The following GABPB2 variants were observed in gnomAD, a reference collection of about 807,000 sequenced individuals.
The protein encoded by GABPB2 is GA-binding protein subunit beta-2.
In GABPB2, 23 loss-of-function variants were observed where a neutral mutation model predicts 39.1. The observed-to-expected ratio is 0.59, with a 90% confidence interval of 0.42 to 0.83. GABPB2 has a LOEUF of 0.83. Among genes scored for constraint, GABPB2 ranks in the 40% least tolerant of loss-of-function variants. The probability of loss-of-function intolerance (pLI) is 0.00; values close to 1 mark genes in which losing one functional copy is unlikely to be tolerated. For synonymous variants in GABPB2, 184 were observed against 199.3 expected (o/e 0.92, Z 0.65); for missense variants, 467 against 541.1 (o/e 0.86, Z 1.36).
In GABPB2 at chr1:151,107,144, CTG is replaced by C; in HGVS notation, c.845_846del (p.Leu282ArgfsTer2). On this transcript the variant is annotated frameshift_variant, in exon 7 of 9. Coordinates refer to ENST00000368918, the MANE Select transcript of GABPB2 (RefSeq NM_144618.3). LOFTEE classifies it high-confidence loss of function. The part of the protein sequence containing the change: ...VITIVTDGVP[L>X]GNIQTSIPTG... ...CACCATAGTGACTGATGGAGTCCCT[CTG>C]GGTAATATCCAAACTTCAATCCCTA... 1 of 1,613,276 alleles carries C rather than the reference CTG, an allele frequency of 6.2e-7. No individual in the cohort carries two copies.
rs587599594 is a variant in GABPB2 at position 151,121,078 on chromosome 1, C to T, written c.*2822C>T. 2 of 152,250 alleles carry T rather than the reference C, an allele frequency of 1.3e-5. No homozygotes were observed. The highest frequency in any genetic ancestry group is 3.9e-4 in the East Asian group (2 of 5,180). The allele number at this position is 152,250 out of a possible 1,614,324, so 9.4% of individuals were successfully genotyped here. On this transcript the variant is annotated 3_prime_UTR_variant, in exon 9 of 9. Coordinates refer to ENST00000368918, the MANE Select transcript of GABPB2 (RefSeq NM_144618.3). ...CAGCCTAGACTCTAATTTTATAAAA[C>T]TTTGTTGAATTTTCTAAGTGTCATT...
At chr1:151,078,314 CTG>C (rs1041700209) in intron 1 of GABPB2, among the ~76,000 whole-genome samples, 2 of 151,036 alleles carry the variant, frequency 1.3e-5, no homozygotes, top group African/African-American at 4.9e-5. Context: ...TCATTTTACA[CTG>C]GGCGCGGTGG....
intron 1 of GABPB2, 102 bp downstream of exon 1, chr1:151,071,036 C>T (rs1174983119): frequency 6.6e-6 from 1 of 152,230 alleles, no homozygotes; most frequent in Non-Finnish European, 1.5e-5. Flanking sequence ...CCTCGGACTT[C>T]TGGGTGCAGA....
At chr1:151,099,084 CAA>C (rs200277830) in intron 5 of GABPB2, among the ~76,000 whole-genome samples, 3,534 of 110,594 alleles carry the variant, frequency 0.032, 60 homozygotes, top group Non-Finnish European at 0.047. Context: ...AACTTCATCT[CAA>C]AAAAAAAAAA....
intron 7 of GABPB2, among the ~76,000 whole-genome samples, chr1:151,108,050 G>A (rs1680109610): frequency 6.6e-6 from 1 of 152,200 alleles, no homozygotes. Flanking sequence ...TAAAGGTATA[G>A]GGAAACAAGC....
At chr1:151,087,913 A>T (rs372541371) in intron 1 of GABPB2, among the ~76,000 whole-genome samples, 5 of 152,260 alleles carry the variant, frequency 3.3e-5, no homozygotes, top group African/African-American at 1.2e-4. Context: ...TGTTTTATCG[A>T]TTCCTTAAAC....
intron 2 of GABPB2, among the ~76,000 whole-genome samples, chr1:151,088,947 C>T (rs149614453): frequency 0.011 from 1,732 of 151,486 alleles, 21 homozygotes; most frequent in Non-Finnish European, 0.02. Context: ...TTGCAGTGAG[C>T]GGAGATTGCA....
intron 4 of GABPB2, among the ~76,000 whole-genome samples, chr1:151,097,105 T>A (rs764385638): frequency 6.6e-6 from 1 of 151,832 alleles, no homozygotes; most frequent in Non-Finnish European, 1.5e-5. Flanking sequence ...AGAGACAGGG[T>A]TTCACCATGT....
At chr1:151,098,118 G>A in intron 5 of GABPB2, 116 bp downstream of exon 5, 1 of 850,724 alleles carries the variant, frequency 1.2e-6, no homozygotes, top group Non-Finnish European at 1.8e-6. Flanking sequence ...TATTGCCAAA[G>A]CAGAAGATTT....
intron 6 of GABPB2, among the ~76,000 whole-genome samples, chr1:151,105,899 A>T (rs994176723): frequency 6.6e-6 from 1 of 152,142 alleles, no homozygotes; most frequent in African/African-American, 2.4e-5. Context: ...TTATTCTGTG[A>T]ATTCACTATT....
At chr1:151,110,497 A>G (rs931428617) in intron 7 of GABPB2, among the ~76,000 whole-genome samples, 5 of 151,928 alleles carry the variant, frequency 3.3e-5, no homozygotes, top group Non-Finnish European at 7.4e-5. Context: ...TATTTTTTAA[A>G]TTTATGTATT....
At position 151,088,261 on chromosome 1, in the gene GABPB2, G is replaced by A. The variant is rs1461822332; in HGVS notation, c.72G>A (p.Thr24=). ...AAGGCCAAGATGATGAAGTGAGAACGTTGATGGCAAATGGCGCCCCATTCA... is the reference window on the plus strand; with the variant it reads ...AAGGCCAAGATGATGAAGTGAGAACATTGATGGCAAATGGCGCCCCATTCA... ...ARKGQDDEVR[T]LMANGAPFTT... is the part of the protein sequence containing the mutation. Residue 24 remains threonine (T), a synonymous_variant, in exon 2 of 9, where the codon ACG becomes ACA. Coordinates refer to ENST00000368918, the MANE Select transcript of GABPB2 (RefSeq NM_144618.3). The A allele has an allele frequency of 2.5e-6, 4 of 1,613,522 alleles. No individual in the cohort carries two copies. Among genetic ancestry groups the A allele is most frequent in the African/African-American group, 1.3e-5 (1 of 75,030 alleles).
intron 5 of GABPB2, among the ~76,000 whole-genome samples, chr1:151,101,583 A>G (rs1679529483): frequency 6.6e-6 from 1 of 151,686 alleles, no homozygotes; most frequent in African/African-American, 2.4e-5. Context: ...TCAAAAAAAA[A>G]AGAAAAAGAA....
chr1:151,072,304 T>C (rs1377498974), intron 1 of GABPB2, among the ~76,000 whole-genome samples: 1 of 152,128 alleles, frequency 6.6e-6, no homozygotes, highest in Non-Finnish European at 1.5e-5. Context: ...CCCAGCATTT[T>C]GGGAAGCTGA....
At chr1:151,104,623 C>T (rs1440272400) in intron 6 of GABPB2, among the ~76,000 whole-genome samples, 1 of 152,110 alleles carries the variant, frequency 6.6e-6, no homozygotes, top group Non-Finnish European at 1.5e-5. Context: ...GTTATCTATC[C>T]AGGACCTTTC....
At chr1:151,096,686 G>C (rs1343603324) in intron 4 of GABPB2, among the ~76,000 whole-genome samples, 1 of 152,142 alleles carries the variant, frequency 6.6e-6, no homozygotes, top group African/African-American at 2.4e-5. Context: ...AGCATATGGA[G>C]CGAGACTTTA....
At position 151,120,519 on chromosome 1, in the gene GABPB2, T is replaced by A. The variant is rs1558167583; in HGVS notation, c.*2263T>A. The A allele has an allele frequency of 1.3e-5, 2 of 150,820 alleles. No homozygotes were observed. The highest frequency in any genetic ancestry group is 2.4e-5 in the African/African-American group (1 of 40,986). The allele number at this position is 150,820 out of a possible 1,614,324, so 9.3% of individuals were successfully genotyped here. ...GAGTGAAACTCAATTAAAAAAAAAA[T>A]AGAAAAGAAAGAAAACTTGTTTATG... On this transcript the variant is annotated 3_prime_UTR_variant, in exon 9 of 9. Transcript: ENST00000368918.
intron 1 of GABPB2, among the ~76,000 whole-genome samples, chr1:151,071,234 G>A (rs1441112521): frequency 6.6e-6 from 1 of 152,168 alleles, no homozygotes; most frequent in South Asian, 2.1e-4. Flanking sequence ...GGGCGGCGCG[G>A]AGCCGGGGCC....
intron 3 of GABPB2, among the ~76,000 whole-genome samples, chr1:151,092,207 A>G (rs1225052102): frequency 6.7e-6 from 1 of 148,150 alleles, no homozygotes; most frequent in Non-Finnish European, 1.5e-5. Context: ...CCCAGGTTCA[A>G]GCGATTCTCC....
Sources: gnomAD v4.1 joint callset for allele counts (sites outside exome capture counted in the v4.1 genomes callset) on GRCh38, gnomAD v4.1.1 for gene constraint, MANE v1.5 for transcripts, NCBI Gene and HGNC (gene_info 2026-07-23, HGNC 2026-07-21) for gene names.